Variants in KCNN2 observed in about 807,000 individuals in gnomAD.
KCNN2 encodes potassium calcium-activated channel subfamily N member 2.
In KCNN2, 24 loss-of-function variants were observed where a neutral mutation model predicts 55.5. The ratio of observed to expected loss-of-function variants is 0.43; its 90% confidence interval spans 0.31 to 0.61. The LOEUF (loss-of-function observed/expected upper bound fraction) is 0.61, where lower values mean the gene tolerates loss of function less well. KCNN2 is among the 20% of genes least tolerant of loss of function. KCNN2 has a pLI of 0.08. For synonymous variants in KCNN2, 431 were observed against 336.1 expected, an observed-to-expected ratio of 1.28 and a Z score of -3.09; for missense variants, 754 against 853.6, an observed-to-expected ratio of 0.88 and a Z score of 1.45.
chr5:114,487,072 T>C lies in KCNN2; in HGVS notation c.1913T>C (p.Val638Ala). Residue 638 changes from valine (V) to alanine (A), a missense_variant, in exon 6 of 8, where the codon GTA becomes GCA. Around this residue, in one of 4 missense-constraint regions of KCNN2, gnomAD observed 86 missense variants for 233.0 expected, o/e 0.37. Coordinates refer to ENST00000673685, the MANE Select transcript of KCNN2 (RefSeq NM_021614.4). ...CAGGTAAAAAATGCAGCTGCCAATG[T>C]ACTCAGGGAAACATGGCTAATTTAC... ...TKRVKNAAANVLRETWLIYKN... is the reference protein window; with the variant it reads ...TKRVKNAAANALRETWLIYKN... The C allele has an allele frequency of 6.2e-7, 1 of 1,612,958 alleles. No individual in the cohort carries two copies.
At chr5:114,485,083 A>G (rs1762387817) in intron 5 of KCNN2, among the ~76,000 whole-genome samples, 1 of 152,198 alleles carries the variant, frequency 6.6e-6, no homozygotes, top group Non-Finnish European at 1.5e-5. Context: ...GACTTTAGAA[A>G]TAATTTGGCA....
At chr5:114,190,917 T>C (rs73779743) in intron 1 of KCNN2, among the ~76,000 whole-genome samples, 3,583 of 152,228 alleles carry the variant, frequency 0.024, 144 homozygotes, top group African/African-American at 0.082. Context: ...ATAGCTCCCT[T>C]CGACACTCTT....
intron 2 of KCNN2, among the ~76,000 whole-genome samples, chr5:114,304,663 G>A (rs756217673): frequency 6.6e-6 from 1 of 152,212 alleles, no homozygotes; most frequent in Non-Finnish European, 1.5e-5. Context: ...ACTCCACATA[G>A]CATCCTTAGC....
chr5:114,176,606 A>G (rs185072764), intron 1 of KCNN2, among the ~76,000 whole-genome samples: 66 of 152,326 alleles, frequency 4.3e-4, no homozygotes, highest in African/African-American at 1.6e-3. Flanking sequence ...CATTATTACT[A>G]GAAGCCATTA....
chr5:114,128,940 G>T (rs1458148589), intron 1 of KCNN2, among the ~76,000 whole-genome samples: 1 of 152,172 alleles, frequency 6.6e-6, no homozygotes, highest in Admixed American at 6.5e-5. Flanking sequence ...AAGAATCATT[G>T]TGTTATGCTA....
chr5:114,102,410 T>C (rs1474231527), intron 1 of KCNN2, among the ~76,000 whole-genome samples: 5 of 152,200 alleles, frequency 3.3e-5, no homozygotes, highest in Admixed American at 6.5e-5. Context: ...AATGATAGTT[T>C]CTTTTGCTGT....
intron 2 of KCNN2, among the ~76,000 whole-genome samples, chr5:114,335,943 C>T (rs1357431214): frequency 2.0e-5 from 3 of 152,100 alleles, no homozygotes; most frequent in Non-Finnish European, 4.4e-5. Context: ...CTGGAAGAAA[C>T]CTAGTTGAGC....
Position 114,224,195 on chromosome 5 carries a change from T to C in KCNN2, c.-185+2630T>C, listed in dbSNP as rs1242118664. Reference sequence around the variant, plus strand: ...GCCCAAAAGGTAAAATAAGGAAAAATGGATTTGAATCTAAGAGACGATAGC... The same window carrying C: ...GCCCAAAAGGTAAAATAAGGAAAAACGGATTTGAATCTAAGAGACGATAGC... On this transcript the variant is annotated intron_variant, in intron 2 of 10. Coordinates refer to the KCNN2 transcript ENST00000512097. Among the ~76,000 whole-genome samples, 3 of 152,174 alleles carry C rather than the reference T, an allele frequency of 2.0e-5. No individual in the cohort carries two copies. In the East Asian group the frequency reaches 5.8e-4, roughly 29 times the overall value.
intron 4 of KCNN2, among the ~76,000 whole-genome samples, chr5:114,467,078 T>C (rs139871620): frequency 6.6e-6 from 1 of 152,332 alleles, no homozygotes; most frequent in East Asian, 1.9e-4. Flanking sequence ...AAATTTGCCC[T>C]GTGCCGAGGA....
chr5:114,419,554 A>G (rs1267702998), intron 3 of KCNN2, among the ~76,000 whole-genome samples: 3 of 152,264 alleles, frequency 2.0e-5, no homozygotes, highest in Non-Finnish European at 4.4e-5. Flanking sequence ...AGGACTAAAT[A>G]TAAACTACTT....
rs550022133 is a variant in KCNN2, at chr5:114,224,679, A to T, written c.-185+3114A>T. On this transcript the variant is annotated intron_variant, in intron 2 of 10. Coordinates refer to the KCNN2 transcript ENST00000512097. ...TCAAGGCAGGTGAGGTTTCTGGAAC[A>T]TTGGGCTCAGTAGTAGTGTAATTAT... Among the ~76,000 whole-genome samples the T allele has an allele frequency of 1.6e-4, 25 of 152,302 alleles. No homozygotes were observed. In the South Asian group the frequency reaches 5.0e-3, roughly 30 times the overall value.
chr5:114,369,207 A>C (rs1355335034), intron 2 of KCNN2, among the ~76,000 whole-genome samples: 6 of 152,202 alleles, frequency 3.9e-5, no homozygotes, highest in Non-Finnish European at 7.3e-5. Flanking sequence ...TGCTATAAAA[A>C]TATTTATTAA....
chr5:114,272,811 C>G (rs927238065), intron 2 of KCNN2, among the ~76,000 whole-genome samples: 11 of 152,088 alleles, frequency 7.2e-5, no homozygotes, highest in Non-Finnish European at 1.5e-4. Context: ...TTTAGATTTT[C>G]TAGTTAGGCA....
chr5:114,363,303 C>T, intron 1 of KCNN2, 42 bp downstream of exon 1: 6 of 1,527,488 alleles, frequency 3.9e-6, no homozygotes, highest in Non-Finnish European at 5.3e-6. Flanking sequence ...GAGTCGGGCA[C>T]TGGGTGGTTG....
At chr5:114,345,014 A>T (rs909967981) in intron 2 of KCNN2, among the ~76,000 whole-genome samples, 5 of 152,190 alleles carry the variant, frequency 3.3e-5, no homozygotes, top group Non-Finnish European at 1.5e-5. Flanking sequence ...GAAAATACAT[A>T]TGCACAAGGT....
intron 1 of KCNN2, among the ~76,000 whole-genome samples, chr5:114,058,560 G>A (rs1034586746): frequency 6.6e-6 from 1 of 152,306 alleles, no homozygotes; most frequent in African/African-American, 2.4e-5. Flanking sequence ...TCAGTTCTAT[G>A]TACTGTGGTC....
chr5:114,268,905 C>A (rs1755261620), intron 2 of KCNN2, among the ~76,000 whole-genome samples: 1 of 151,410 alleles, frequency 6.6e-6, no homozygotes, highest in African/African-American at 2.4e-5. Flanking sequence ...AGAGACAAGT[C>A]ACTATGCCTC....
chr5:114,349,585 A>G (rs1757171640), intron 2 of KCNN2, among the ~76,000 whole-genome samples: 1 of 151,900 alleles, frequency 6.6e-6, no homozygotes, highest in Non-Finnish European at 1.5e-5. Context: ...AATCAGAAAC[A>G]CTCTGATCCC....
intron 3 of KCNN2, among the ~76,000 whole-genome samples, chr5:114,424,814 A>T (rs1039468611): frequency 2.0e-5 from 3 of 152,212 alleles, no homozygotes; most frequent in Admixed American, 6.5e-5. Flanking sequence ...TGAAGTAGCA[A>T]ATGTAGTAGG....
Sources: allele counts gnomAD v4.1 joint callset (sites outside exome capture counted in the v4.1 genomes callset), GRCh38; gene constraint gnomAD v4.1.1; regional missense constraint gnomAD v4.1.1; transcripts MANE v1.5; gene names NCBI Gene and HGNC (gene_info 2026-07-23, HGNC 2026-07-21).